LHFPL6: variants seen among roughly 807,000 people sequenced by gnomAD.
The protein encoded by LHFPL6 is LHFPL tetraspan subfamily member 6, also known as LHFPL tetraspan subfamily member 6 protein.
Under a neutral mutation model 20.6 loss-of-function variants are expected in LHFPL6, and 9 were observed. That is an observed-to-expected ratio of 0.44 (90% CI 0.26 to 0.76). LHFPL6 has a LOEUF of 0.76. Among genes scored for constraint, LHFPL6 ranks in the 30% least tolerant of loss-of-function variants. The pLI, the probability that LHFPL6 is intolerant of heterozygous loss-of-function variation, is 0.20. For synonymous variants in LHFPL6, 105 were observed against 98.7 expected, an observed-to-expected ratio of 1.06 and a Z score of -0.38; for missense variants, 218 against 253.5, an observed-to-expected ratio of 0.86 and a Z score of 0.95.
chr13:39,347,687 AC>A (rs1869446776), intron 3 of LHFPL6, among the ~76,000 whole-genome samples: 1 of 152,182 alleles, frequency 6.6e-6, no homozygotes, highest in African/African-American at 2.4e-5. Flanking sequence ...ACAACCATGA[AC>A]TAATGTGGTT....
chr13:39,541,864 T>C (rs1329642461), intron 2 of LHFPL6, among the ~76,000 whole-genome samples: 2 of 151,540 alleles, frequency 1.3e-5, no homozygotes, highest in South Asian at 2.1e-4. Flanking sequence ...CCGAGGTGGG[T>C]GGATCACGAG....
chr13:39,500,746 T>C (rs938056836), intron 2 of LHFPL6, among the ~76,000 whole-genome samples: 4 of 152,206 alleles, frequency 2.6e-5, no homozygotes, highest in Admixed American at 1.3e-4. Flanking sequence ...TCTTGATAAG[T>C]ATAAAAATTT....
intron 2 of LHFPL6, among the ~76,000 whole-genome samples, chr13:39,430,949 T>C (rs1871779130): frequency 6.6e-6 from 1 of 152,176 alleles, no homozygotes; most frequent in Admixed American, 6.5e-5. Context: ...CTCTTCACAA[T>C]AAATCTTGCT....
intron 2 of LHFPL6, among the ~76,000 whole-genome samples, chr13:39,529,209 A>G (rs1870384962): frequency 6.6e-6 from 1 of 151,968 alleles, no homozygotes; most frequent in South Asian, 2.1e-4. Flanking sequence ...CTCCTGCTTC[A>G]GTCTTCTGAG....
intron 2 of LHFPL6, among the ~76,000 whole-genome samples, chr13:39,572,258 T>C (rs987903765): frequency 4.6e-5 from 7 of 151,474 alleles, no homozygotes; most frequent in Non-Finnish European, 8.8e-5. Flanking sequence ...CATTTATGGC[T>C]CAGAGCCGTG....
chr13:39,386,780 G>A (rs1438917816), intron 2 of LHFPL6, among the ~76,000 whole-genome samples: 1 of 152,176 alleles, frequency 6.6e-6, no homozygotes, highest in African/African-American at 2.4e-5. Context: ...TGGGTGCCCT[G>A]GCCAGACTCA....
At chr13:39,589,115 AT>A (rs1566149008) in intron 2 of LHFPL6, among the ~76,000 whole-genome samples, 5 of 151,630 alleles carry the variant, frequency 3.3e-5, no homozygotes, top group South Asian at 2.1e-4. Flanking sequence ...TACCAGATAA[AT>A]TTTTTTTTAT....
chr13:39,562,320 T>C (rs904364801), intron 2 of LHFPL6, among the ~76,000 whole-genome samples: 3 of 149,296 alleles, frequency 2.0e-5, no homozygotes, highest in African/African-American at 4.9e-5. Flanking sequence ...AGAAGAACCA[T>C]GTTCTGAGTG....
chr13:39,509,231 TC>T (rs1869600064), intron 2 of LHFPL6, among the ~76,000 whole-genome samples: 1 of 152,362 alleles, frequency 6.6e-6, no homozygotes, highest in South Asian at 2.1e-4. Context: ...TTTCTTATTA[TC>T]AAGTTTTGAA....
chr13:39,513,381 T>C (rs1305004227), intron 2 of LHFPL6, among the ~76,000 whole-genome samples: 1 of 152,238 alleles, frequency 6.6e-6, no homozygotes, highest in Non-Finnish European at 1.5e-5. Flanking sequence ...TTGTATTATC[T>C]TCTACATTCA....
intron 2 of LHFPL6, among the ~76,000 whole-genome samples, chr13:39,450,268 TA>T (rs1417334014): frequency 2.0e-5 from 3 of 152,096 alleles, no homozygotes; most frequent in African/African-American, 7.2e-5. Flanking sequence ...GACTAAAGCT[TA>T]AAAAGCACAA....
chr13:39,538,402 G>A (rs556784208), intron 2 of LHFPL6, among the ~76,000 whole-genome samples: 22 of 150,152 alleles, frequency 1.5e-4, no homozygotes, highest in Non-Finnish European at 2.5e-4. Context: ...CCCTTTGCAC[G>A]ATTTCTTGCC....
rs554633375 is a variant in LHFPL6 at position 39,532,094 on chromosome 13, G to A, written c.385+68738C>T. On this transcript the variant is annotated intron_variant, in intron 2 of 3. Transcript: ENST00000379589. ...ATTACCCCTGAATCATCTTCCCTTCGTTCCTCTCCCTGGGTGTTAGTGACC... is the reference window on the plus strand; with the variant it reads ...ATTACCCCTGAATCATCTTCCCTTCATTCCTCTCCCTGGGTGTTAGTGACC... Among the ~76,000 whole-genome samples the A allele has an allele frequency of 6.6e-5, 10 of 152,170 alleles. No individual in the cohort carries two copies. The South Asian group carries it at 8.3e-4, about 13-fold the overall frequency.
At chr13:39,429,372 C>T (rs1238337452) in intron 2 of LHFPL6, among the ~76,000 whole-genome samples, 1 of 152,116 alleles carries the variant, frequency 6.6e-6, no homozygotes, top group Non-Finnish European at 1.5e-5. Flanking sequence ...TCTATCTTTA[C>T]AAAATCTTCC....
At chr13:39,414,817 G>T (rs1248638086) in intron 2 of LHFPL6, among the ~76,000 whole-genome samples, 3 of 152,128 alleles carry the variant, frequency 2.0e-5, no homozygotes, top group Non-Finnish European at 4.4e-5. Context: ...TTGGCATTTA[G>T]ACCCCTAAGA....
chr13:39,562,391 T>TATATATGC (rs1871518354), intron 2 of LHFPL6, among the ~76,000 whole-genome samples: 1 of 42,984 alleles, frequency 2.3e-5, no homozygotes, highest in Non-Finnish European at 5.2e-5. Flanking sequence ...TACATATACA[T>TATATATGC]ATATATACAT....
chr13:39,529,766 A>G (rs989367662), intron 2 of LHFPL6, among the ~76,000 whole-genome samples: 1 of 152,220 alleles, frequency 6.6e-6, no homozygotes. Context: ...TGCTGTTTCC[A>G]ATTTACTGAG....
At chr13:39,502,554 G>T (rs947152736) in intron 2 of LHFPL6, among the ~76,000 whole-genome samples, 24 of 152,004 alleles carry the variant, frequency 1.6e-4, no homozygotes, top group Non-Finnish European at 3.2e-4. Context: ...TCAGGAGCTT[G>T]AGGCTCCAGT....
chr13:39,359,821 T>C (rs911683445), intron 3 of LHFPL6, among the ~76,000 whole-genome samples: 29 of 152,250 alleles, frequency 1.9e-4, no homozygotes, highest in Admixed American at 4.6e-4. Flanking sequence ...TGCTCTCTAA[T>C]GTGACTCTAA....
Sources: gnomAD v4.1 joint callset for allele counts (sites outside exome capture counted in the v4.1 genomes callset) on GRCh38, gnomAD v4.1.1 for gene constraint, MANE v1.5 for transcripts, NCBI Gene and HGNC (gene_info 2026-07-23, HGNC 2026-07-21) for gene names.